The following SYT1 variants were observed in gnomAD, a reference collection of about 807,000 sequenced individuals.
SYT1 encodes the protein synaptotagmin 1, also known as synaptotagmin-1.
A neutral mutation model predicts 44.8 loss-of-function variants in SYT1; 8 were observed. The ratio of observed to expected loss-of-function variants is 0.18; its 90% CI spans 0.10 to 0.32. The LOEUF is 0.32. SYT1 is among the 10% of genes least tolerant of loss of function. SYT1 has a pLI of 1.00. For missense variants in SYT1, 286 were observed against 509.3 expected (o/e 0.56, Z 4.22); for synonymous variants, 154 against 188.8 (o/e 0.82, Z 1.51).
At position 79,303,503 on chromosome 12, in the gene SYT1, C is replaced by T. The variant is rs1415288147; in HGVS notation, c.810+3952C>T. 2.0e-5 allele frequency among the ~76,000 whole-genome samples: 3 copies of T among 152,022 alleles called. No individual in the cohort carries two copies. The East Asian group carries it at 5.8e-4, about 29-fold the overall frequency. ...TTTCCATTAGAGAATAAGTCTATCA[C>T]CTCGGCTTTGTGTAAAATTTGGTAA... On this transcript the variant is annotated intron_variant, in intron 8 of 10. Transcript: ENST00000261205.
At chr12:79,345,590 A>G (rs1882573028) in intron 8 of SYT1, among the ~76,000 whole-genome samples, 1 of 152,232 alleles carries the variant, frequency 6.6e-6, no homozygotes, top group Non-Finnish European at 1.5e-5. Context: ...TTTGTAGACT[A>G]GGCCAGATTC....
At chr12:79,323,695 A>G (rs930867076) in intron 8 of SYT1, among the ~76,000 whole-genome samples, 16 of 152,176 alleles carry the variant, frequency 1.1e-4, no homozygotes, top group African/African-American at 3.9e-4. Context: ...CTCAATTTTC[A>G]ATGATAATAA....
chr12:79,348,810 A>G (rs150826355), intron 8 of SYT1, among the ~76,000 whole-genome samples: 1 of 151,876 alleles, frequency 6.6e-6, no homozygotes, highest in African/African-American at 2.4e-5. Flanking sequence ...TGGTAGTGAT[A>G]GTGACAAGTA....
intron 1 of SYT1, among the ~76,000 whole-genome samples, chr12:78,876,787 A>C (rs1342540857): frequency 1.6e-5 from 1 of 62,370 alleles, no homozygotes; most frequent in Non-Finnish European, 2.7e-5. Flanking sequence ...ATATTATATA[A>C]TACATATAAT....
chr12:78,878,822 A>C (rs568343298), intron 1 of SYT1, among the ~76,000 whole-genome samples: 70 of 151,850 alleles, frequency 4.6e-4, no homozygotes, highest in African/African-American at 1.7e-3. Flanking sequence ...TGGAGAGTAC[A>C]TAGGGGAGAG....
intron 3 of SYT1, among the ~76,000 whole-genome samples, chr12:79,111,295 T>G (rs1878995430): frequency 6.6e-6 from 1 of 151,998 alleles, no homozygotes; most frequent in South Asian, 2.1e-4. Flanking sequence ...CTCCCAACTC[T>G]AGAATTTCCC....
At chr12:79,241,972 C>A (rs1400956569) in intron 4 of SYT1, among the ~76,000 whole-genome samples, 1 of 152,150 alleles carries the variant, frequency 6.6e-6, no homozygotes, top group African/African-American at 2.4e-5. Context: ...ATCTATAAGC[C>A]TAGGAACACC....
chr12:78,896,781 TG>T (rs1233440712), intron 1 of SYT1, among the ~76,000 whole-genome samples: 1 of 151,842 alleles, frequency 6.6e-6, no homozygotes, highest in Non-Finnish European at 1.5e-5. Context: ...AGAAAATATC[TG>T]AATTATCTTC....
intron 3 of SYT1, among the ~76,000 whole-genome samples, chr12:79,152,970 A>T (rs2138268754): frequency 6.6e-6 from 1 of 151,962 alleles, no homozygotes; most frequent in South Asian, 2.1e-4. Context: ...TAAGAAAATT[A>T]TTACCCTTCT....
chr12:79,248,573 A>G (rs758291270), intron 4 of SYT1, among the ~76,000 whole-genome samples: 1 of 152,224 alleles, frequency 6.6e-6, no homozygotes, highest in Non-Finnish European at 1.5e-5. Flanking sequence ...CAAAAATGCC[A>G]TGGGGAGGAA....
intron 1 of SYT1, among the ~76,000 whole-genome samples, chr12:78,969,780 G>C (rs1868333289): frequency 6.6e-6 from 1 of 152,126 alleles, no homozygotes; most frequent in Admixed American, 6.6e-5. Flanking sequence ...TTTAAATGGG[G>C]AGGTGACGTG....
At chr12:79,152,936 T>C (rs570091219) in intron 3 of SYT1, among the ~76,000 whole-genome samples, 44 of 151,406 alleles carry the variant, frequency 2.9e-4, no homozygotes, top group Non-Finnish European at 5.3e-4. Flanking sequence ...GTTTTACCCA[T>C]TATTATTATC....
chr12:79,069,657 A>G (rs929051259), intron 3 of SYT1, among the ~76,000 whole-genome samples: 7 of 152,104 alleles, frequency 4.6e-5, no homozygotes, highest in Non-Finnish European at 1.0e-4. Context: ...CTTGACATTG[A>G]TAGAAAAATA....
intron 3 of SYT1, among the ~76,000 whole-genome samples, chr12:79,118,232 CAT>C (rs773834827): frequency 3.3e-4 from 50 of 152,220 alleles, no homozygotes; most frequent in Non-Finnish European, 5.9e-4. Flanking sequence ...TGCCATTTAA[CAT>C]GTGTGGTTAA....
rs117710218 is a variant in SYT1, at chr12:78,894,109, G to C, written c.-217+29000G>C. ...AAAAGATTCTGATAATTGTACAAGT[G>C]TCAAGAAACTTAACACCTGGAACCA... On this transcript the variant is annotated intron_variant, in intron 1 of 10. Transcript: ENST00000261205. Among the ~76,000 whole-genome samples the C allele has an allele frequency of 3.1e-4, 47 of 150,738 alleles. No individual in the cohort carries two copies. The East Asian group carries it at 9.0e-3, about 29-fold the overall frequency.
At chr12:79,406,063 G>A (rs1885233281) in intron 9 of SYT1, among the ~76,000 whole-genome samples, 1 of 152,132 alleles carries the variant, frequency 6.6e-6, no homozygotes, top group Non-Finnish European at 1.5e-5. Context: ...ATATGGAAAT[G>A]AAAGAGGAGA....
chr12:79,172,969 C>CAAAAAAAAAAA lies in SYT1; in HGVS notation c.-17-44507_-17-44497dup, dbSNP rs200575966. 1.9e-4 allele frequency among the ~76,000 whole-genome samples: 3 copies of CAAAAAAAAAAA among 15,726 alleles called. 1 individual carries two copies. Among genetic ancestry groups the CAAAAAAAAAAA allele is most frequent in the African/African-American group, 9.1e-4 (3 of 3,286 alleles). The allele number at this position is 15,726 out of a possible 152,430, so 10.3% of individuals were successfully genotyped here. A position where few individuals can be genotyped will look rare whatever the true frequency, so the allele number is the denominator to read the frequency against. On this transcript the variant is annotated intron_variant, in intron 3 of 10. Coordinates refer to ENST00000261205, the MANE Select transcript of SYT1 (RefSeq NM_005639.3). ...TTCAGGTTACTAGAGTTCCTGCTCT[C>CAAAAAAAAAAA]AAAAAAAAAAAAAAAAAAAAAAAAA... is the stretch of plus-strand genomic sequence containing the variant.
At chr12:79,193,922 A>G (rs945858526) in intron 3 of SYT1, among the ~76,000 whole-genome samples, 5 of 152,156 alleles carry the variant, frequency 3.3e-5, no homozygotes, top group African/African-American at 1.2e-4. Context: ...CTGATAAATA[A>G]TTATCATAGA....
intron 3 of SYT1, among the ~76,000 whole-genome samples, chr12:79,214,509 A>C (rs184156637): frequency 6.6e-6 from 1 of 152,306 alleles, no homozygotes; most frequent in East Asian, 1.9e-4. Context: ...ATGTCTTTCA[A>C]ACTATATGTA....
Sources: allele counts gnomAD v4.1 joint callset (sites outside exome capture counted in the v4.1 genomes callset), GRCh38; gene constraint gnomAD v4.1.1; transcripts MANE v1.5; gene names NCBI Gene and HGNC (gene_info 2026-07-23, HGNC 2026-07-21).